The following AFAP1L2 variants were observed in gnomAD, a reference collection of about 807,000 sequenced individuals.
The protein encoded by AFAP1L2 is actin filament-associated protein 1-like 2.
Under a neutral mutation model 99.3 loss-of-function variants are expected in AFAP1L2, and 46 were observed. That is an observed-to-expected ratio of 0.46 (90% CI 0.37 to 0.59). AFAP1L2 has a LOEUF of 0.59. Ranked by LOEUF, AFAP1L2 falls within the 20% of genes least tolerant of loss-of-function variation. The pLI, the probability that AFAP1L2 is intolerant of heterozygous loss-of-function variation, is 0.00. For synonymous variants in AFAP1L2, 397 were observed against 419.1 expected, an observed-to-expected ratio of 0.95 and a Z score of 0.64; for missense variants, 959 against 1,034.9, an observed-to-expected ratio of 0.93 and a Z score of 1.01.
chr10:114,318,669 GA>G (rs1297714041), intron 5 of AFAP1L2, among the ~76,000 whole-genome samples: 2 of 145,770 alleles, frequency 1.4e-5, no homozygotes, highest in Non-Finnish European at 3.0e-5. Flanking sequence ...TTTGAACCAG[GA>G]AGTGGAGATT....
chr10:114,367,943 A>G (rs1450216769), intron 1 of AFAP1L2, among the ~76,000 whole-genome samples: 1 of 152,244 alleles, frequency 6.6e-6, no homozygotes, highest in Non-Finnish European at 1.5e-5. Context: ...ATTAATGTAC[A>G]CCATGCACAG....
intron 1 of AFAP1L2, among the ~76,000 whole-genome samples, chr10:114,396,046 G>A (rs1014088275): frequency 3.9e-5 from 6 of 152,198 alleles, no homozygotes; most frequent in South Asian, 2.1e-4. Flanking sequence ...CCTGGAACAG[G>A]TGGAAGAGAC....
At chr10:114,343,143 G>A (rs1049321506) in intron 1 of AFAP1L2, among the ~76,000 whole-genome samples, 3 of 152,198 alleles carry the variant, frequency 2.0e-5, no homozygotes, top group African/African-American at 7.2e-5. Flanking sequence ...GAACAGATGG[G>A]ATTTTAAAAA....
downstream of AFAP1L2, chr10:114,289,838 G>A (rs2039379801): frequency 2.7e-6 from 1 of 371,800 alleles, no homozygotes; most frequent in South Asian, 2.9e-5. Context: ...AGAGCCCAGA[G>A]CAAACAGGGC....
rs182489704 is a variant in AFAP1L2, at chr10:114,315,001, C to G, written c.612+559G>C. Among the ~76,000 whole-genome samples, 802 of 152,212 alleles carry G rather than the reference C, an allele frequency of 5.3e-3. 1 individual carries two copies. Among genetic ancestry groups the G allele is most frequent in the Middle Eastern group, 0.024 (7 of 294 alleles). On this transcript the variant is annotated intron_variant, in intron 6 of 18. Transcript: ENST00000304129. ...ACTAAAAATACATAAATTAGCCAGG[C>G]GTGGTGGCGGGCGCCTGTAATCCCA... is the stretch of plus-strand genomic sequence containing the variant.
chr10:114,289,486 G>A, the AFAP1L2 span: 2 of 1,614,124 alleles, frequency 1.2e-6, no homozygotes, highest in Non-Finnish European at 1.7e-6. Context: ...GTGGCTGTGT[G>A]GAGGTGAGTG....
At chr10:114,340,024 A>AAAG (rs1554916418) in intron 2 of AFAP1L2, among the ~76,000 whole-genome samples, 17 of 143,782 alleles carry the variant, frequency 1.2e-4, no homozygotes, top group East Asian at 8.4e-4. Context: ...AAAAAAAAAA[A>AAAG]AGAGAGAGAG....
Position 114,307,793 on chromosome 10 carries a change from T to C in AFAP1L2, c.1072+12A>G. ...ATGAGCCTGTGGTCCCGGAGGTAGCTACAATTCTTACTGGATGTCTCGAGG... is the reference window on the plus strand; with the variant it reads ...ATGAGCCTGTGGTCCCGGAGGTAGCCACAATTCTTACTGGATGTCTCGAGG... On this transcript the variant is annotated intron_variant, in intron 10 of 18. Transcript: ENST00000304129. 2.5e-6 allele frequency: 4 copies of C among 1,610,502 alleles called. No individual in the cohort carries two copies. The highest frequency in any genetic ancestry group is 3.4e-6 in the Non-Finnish European group (4 of 1,176,894).
chr10:114,308,653 A>G, intron 8 of AFAP1L2, 136 bp from the exon 9 acceptor site: 1 of 714,730 alleles, frequency 1.4e-6, no homozygotes, highest in South Asian at 1.9e-5. Flanking sequence ...CCGGCCACCT[A>G]AACGGCAGAA....
At chr10:114,297,490 G>T (rs2040437350) in intron 16 of AFAP1L2, 77 bp from the exon 17 acceptor site, 1 of 1,465,928 alleles carries the variant, frequency 6.8e-7, no homozygotes, top group Non-Finnish European at 9.2e-7. Context: ...TGGAGGCAGG[G>T]TCTACATACC....
chr10:114,340,563 T>C, intron 2 of AFAP1L2, 40 bp downstream of exon 2: 1 of 1,591,392 alleles, frequency 6.3e-7, no homozygotes, highest in Non-Finnish European at 8.6e-7. Flanking sequence ...CCATCTCTTT[T>C]GGCGTGGAGG....
intron 1 of AFAP1L2, among the ~76,000 whole-genome samples, chr10:114,386,150 A>T (rs2056475635): frequency 6.6e-6 from 1 of 152,186 alleles, no homozygotes. Context: ...CGGTAACCTC[A>T]TGGAGAAAAT....
rs2049726310 is a variant in AFAP1L2, at chr10:114,347,146, C to T, written c.17-6415G>A. Among the ~76,000 whole-genome samples the T allele has an allele frequency of 2.6e-5, 4 of 152,174 alleles. No individual in the cohort carries two copies. In the South Asian group the frequency reaches 8.3e-4, roughly 32 times the overall value. Reference sequence around the variant, plus strand: ...TGCCCCAACAGTTCCCAAGATCAAGCCACTGAATGTATTATCCTCATGAGC... The same window carrying T: ...TGCCCCAACAGTTCCCAAGATCAAGTCACTGAATGTATTATCCTCATGAGC... On this transcript the variant is annotated intron_variant, in intron 1 of 18. Transcript: ENST00000304129.
In AFAP1L2 at chr10:114,300,514, C is replaced by T. The variant is rs749664254; in HGVS notation, c.1719G>A (p.Pro573=). The change falls in exon 14 of 19, where the codon CCG becomes CCA. Residue 573 remains proline, a synonymous_variant. Coordinates refer to ENST00000304129, the MANE Select transcript of AFAP1L2 (RefSeq NM_001001936.3). ...GGGTGGGACCTGGGCCTGAGTCTGC[C>T]GGGAGGGCCTCAGTTGCATTGTCCA... The part of the protein sequence containing the change: ...SCLDNATEAL[P]ADSGPGPTPD... The T allele has an allele frequency of 3.7e-6, 6 of 1,614,018 alleles. No homozygotes were observed. Among genetic ancestry groups the T allele is most frequent in the Admixed American group, 1.7e-5 (1 of 60,014 alleles).
intron 3 of AFAP1L2, among the ~76,000 whole-genome samples, chr10:114,332,335 G>A (rs949256725): frequency 6.6e-6 from 1 of 152,238 alleles, no homozygotes. Context: ...CAGGCTTGGT[G>A]AGGGGCAGGA....
At chr10:114,285,986 G>C in the AFAP1L2 span, 4 of 1,612,690 alleles carry the variant, frequency 2.5e-6, no homozygotes, top group Non-Finnish European at 3.4e-6. Flanking sequence ...CTTCCTGCTG[G>C]ACAGCTCTGC....
At chr10:114,376,878 A>G (rs1345325925) in intron 1 of AFAP1L2, among the ~76,000 whole-genome samples, 1 of 152,114 alleles carries the variant, frequency 6.6e-6, no homozygotes, top group Non-Finnish European at 1.5e-5. Flanking sequence ...CTGAGAAACC[A>G]CTGCAGCTTT....
At position 114,315,784 on chromosome 10, in the gene AFAP1L2, C is replaced by T. The variant is rs750605715; in HGVS notation, c.407-19G>A. The stretch of plus-strand genomic sequence containing the variant: ...CCGTCCTCTGCAAGGAAGACCAGCT[C>T]GGTCAGGGCCCCATGGGGCAGGGGA... On this transcript the variant is annotated intron_variant, in intron 5 of 18. Transcript: ENST00000304129. The T allele has an allele frequency of 1.3e-5, 20 of 1,596,330 alleles. No individual in the cohort carries two copies. The highest frequency in any genetic ancestry group is 1.7e-5 in the Non-Finnish European group (20 of 1,171,042).
chr10:114,324,369 G>T (rs868701005), intron 4 of AFAP1L2, among the ~76,000 whole-genome samples: 18 of 148,416 alleles, frequency 1.2e-4, no homozygotes, highest in African/African-American at 4.6e-4. Context: ...ACAGTTTCCC[G>T]AGTAGTTGGG....
Sources: allele counts gnomAD v4.1 joint callset (sites outside exome capture counted in the v4.1 genomes callset), GRCh38; gene constraint gnomAD v4.1.1; transcripts MANE v1.5; gene names NCBI Gene and HGNC (gene_info 2026-07-23, HGNC 2026-07-21).